CCDC91: variants seen among roughly 807,000 people sequenced by gnomAD.
CCDC91 encodes coiled-coil domain-containing protein 91.
Under a neutral mutation model 63.2 loss-of-function variants are expected in CCDC91, and 48 were observed. That is an observed-to-expected ratio of 0.76 (90% CI 0.60 to 0.97). The LOEUF is 0.97. Ranked by LOEUF, CCDC91 falls within the 50% of genes least tolerant of loss-of-function variation. The pLI is 0.00. For missense variants in CCDC91, 500 were observed against 494.6 expected (o/e 1.01, Z -0.10); for synonymous variants, 167 against 165.8 (o/e 1.01, Z -0.06).
intron 6 of CCDC91, among the ~76,000 whole-genome samples, chr12:28,352,494 A>G (rs1307575849): frequency 6.6e-6 from 1 of 152,200 alleles, no homozygotes; most frequent in African/African-American, 2.4e-5. Flanking sequence ...CCATTTCAAC[A>G]GTGTTCACAG....
At chr12:28,312,497 T>G (rs1939427449) in intron 6 of CCDC91, among the ~76,000 whole-genome samples, 1 of 152,114 alleles carries the variant, frequency 6.6e-6, no homozygotes, top group African/African-American at 2.4e-5. Flanking sequence ...GGTTATGGAC[T>G]TCTTTCAAAC....
Position 28,452,530 on chromosome 12 carries a change from GA to G in CCDC91, c.983del (p.Asn328IlefsTer2), listed in dbSNP as rs1177566979. The G allele has an allele frequency of 3.2e-6, 5 of 1,585,842 alleles. No individual in the cohort carries two copies. The highest frequency in any genetic ancestry group is 8.6e-7 in the Non-Finnish European group (1 of 1,166,848). On this transcript the variant is annotated frameshift_variant, in exon 11 of 13. Transcript: ENST00000536442. LOFTEE classifies it high-confidence loss of function. ...GTTTTAAAAGTCGTAGAAGAAGAAA[GA>G]AAAAATTTAGAAAAAGCGCATGCTG... Reference protein sequence around the residue: ...DAVLKVVEEERKNLEKAHAEE... With the variant: ...DAVLKVVEEEXKNLEKAHAEE...
At chr12:28,308,652 A>C (rs1162400357) in intron 6 of CCDC91, among the ~76,000 whole-genome samples, 1 of 151,800 alleles carries the variant, frequency 6.6e-6, no homozygotes. Flanking sequence ...AGATACCTGC[A>C]TGGTTTTCTT....
chr12:28,471,758 C>CTTTTTTTTTTTTTTT (rs375850875), intron 11 of CCDC91, among the ~76,000 whole-genome samples: 1 of 149,352 alleles, frequency 6.7e-6, no homozygotes. Flanking sequence ...TTTTCTCTCT[C>CTTTTTTTTTTTTTTT]TTTTTTTTTG....
intron 11 of CCDC91, among the ~76,000 whole-genome samples, chr12:28,462,347 AAT>A (rs1240708778): frequency 6.6e-6 from 1 of 152,124 alleles, no homozygotes; most frequent in Non-Finnish European, 1.5e-5. Flanking sequence ...ATGAAATAAA[AAT>A]AGTTTCCTTT....
chr12:28,291,302 A>T (rs1160519491), intron 3 of CCDC91, among the ~76,000 whole-genome samples: 1 of 152,204 alleles, frequency 6.6e-6, no homozygotes, highest in East Asian at 1.9e-4. Context: ...GGTCAGGTAA[A>T]TATAGCAGAT....
Position 28,425,102 on chromosome 12 carries a change from CA to C in CCDC91, c.763-25058del, listed in dbSNP as rs544816480. ...TCAAAAGGCTTTATTTAGCAAGCTT[CA>C]CAGGGAAAAACTACTCTCCCCGCAC... On this transcript the variant is annotated intron_variant, in intron 8 of 12. Coordinates refer to ENST00000536442, the MANE Select transcript of CCDC91 (RefSeq NM_018318.5). Among the ~76,000 whole-genome samples the C allele has an allele frequency of 1.4e-4, 22 of 152,136 alleles. No homozygotes were observed. The East Asian group carries it at 3.7e-3, about 25-fold the overall frequency.
intron 1 of CCDC91, among the ~76,000 whole-genome samples, chr12:28,234,581 G>C (rs1163915009): frequency 4.6e-5 from 7 of 152,132 alleles, no homozygotes; most frequent in Admixed American, 4.6e-4. Flanking sequence ...ATAGTATACA[G>C]TTCAGCTAAT....
intron 1 of CCDC91, among the ~76,000 whole-genome samples, chr12:28,232,411 T>C (rs1411906149): frequency 6.6e-6 from 1 of 152,172 alleles, no homozygotes; most frequent in Admixed American, 6.6e-5. Context: ...AAGTCTTTTC[T>C]TGTAGCTATT....
intron 12 of CCDC91, among the ~76,000 whole-genome samples, chr12:28,518,459 A>G (rs1940207439): frequency 6.6e-6 from 1 of 151,742 alleles, no homozygotes. Flanking sequence ...CATTCTTTTG[A>G]TAATTGTGTA....
At chr12:28,395,699 TG>T in intron 8 of CCDC91, among the ~76,000 whole-genome samples, 1 of 152,096 alleles carries the variant, frequency 6.6e-6, no homozygotes. Flanking sequence ...GAGATCAGCA[TG>T]GGGGCTATCA....
chr12:28,538,278 C>G (rs1417001108), intron 12 of CCDC91, among the ~76,000 whole-genome samples: 1 of 124,542 alleles, frequency 8.0e-6, no homozygotes, highest in African/African-American at 3.0e-5. Context: ...CACAACAGGC[C>G]CCGGTGTGTG....
chr12:28,377,941 G>A (rs1465424883), intron 7 of CCDC91, among the ~76,000 whole-genome samples: 1 of 151,976 alleles, frequency 6.6e-6, no homozygotes, highest in African/African-American at 2.4e-5. Context: ...GAGAAAGTAA[G>A]GAATGAGGAG....
intron 8 of CCDC91, among the ~76,000 whole-genome samples, chr12:28,426,661 ATTCT>A (rs1353421519): frequency 2.0e-5 from 3 of 151,998 alleles, no homozygotes; most frequent in African/African-American, 4.8e-5. Context: ...TTTTCCTTTG[ATTCT>A]TTCTTTGAGC....
intron 6 of CCDC91, among the ~76,000 whole-genome samples, chr12:28,342,714 T>A (rs1229995217): frequency 2.6e-5 from 4 of 152,092 alleles, no homozygotes. Context: ...TATGGGGTGT[T>A]ATCTTTAGAT....
chr12:28,474,960 G>A lies in CCDC91; in HGVS notation c.1102-9092G>A, dbSNP rs546077668. ...GAAATGAAGGTTTCTTTTGGGAAGT[G>A]GGAAACTGGTAAGGATGGAATTCAT... On this transcript the variant is annotated intron_variant, in intron 11 of 12. Coordinates refer to ENST00000536442, the MANE Select transcript of CCDC91 (RefSeq NM_018318.5). Among the ~76,000 whole-genome samples the A allele has an allele frequency of 8.0e-4, 122 of 152,090 alleles. 2 individuals are homozygous for A. The highest frequency in any genetic ancestry group is 2.8e-3 in the African/African-American group (117 of 41,530).
At chr12:28,304,375 TAAAAAAAAAAAAAAA>T (rs777296414) in intron 3 of CCDC91, among the ~76,000 whole-genome samples, 2 of 73,592 alleles carry the variant, frequency 2.7e-5, no homozygotes, top group African/African-American at 5.9e-5. Context: ...AGACTCCGTC[TAAAAAAAAAAAAAAA>T]AAAAAAAAAA....
At chr12:28,453,501 T>C (rs1413681901) in intron 11 of CCDC91, among the ~76,000 whole-genome samples, 1 of 152,028 alleles carries the variant, frequency 6.6e-6, no homozygotes, top group East Asian at 1.9e-4. Flanking sequence ...CTCAAAGTTT[T>C]TAATATCCAA....
intron 10 of CCDC91, 82 bp downstream of exon 10, chr12:28,450,500 T>C: frequency 1.0e-6 from 1 of 991,922 alleles, no homozygotes; most frequent in Non-Finnish European, 1.5e-6. Context: ...CTCAATCTTT[T>C]ATAAAATGTT....
Sources: gnomAD v4.1 joint callset for allele counts (sites outside exome capture counted in the v4.1 genomes callset) on GRCh38, gnomAD v4.1.1 for gene constraint, MANE v1.5 for transcripts, NCBI Gene and HGNC (gene_info 2026-07-23, HGNC 2026-07-21) for gene names.